PPFIA2: variants seen among roughly 807,000 people sequenced by gnomAD.
The protein encoded by PPFIA2 is liprin-alpha-2.
In PPFIA2, 46 loss-of-function variants were observed where a neutral mutation model predicts 175.5. The ratio of observed to expected loss-of-function variants is 0.26; its 90% CI spans 0.21 to 0.34. The LOEUF (loss-of-function observed/expected upper bound fraction) is 0.34, where lower values mean the gene tolerates loss of function less well. Among genes scored for constraint, PPFIA2 ranks in the 10% least tolerant of loss-of-function variants. The pLI is 1.00. For missense variants in PPFIA2, 1,179 were observed against 1,506.1 expected, an observed-to-expected ratio of 0.78 and a Z score of 3.60; for synonymous variants, 568 against 511.4, an observed-to-expected ratio of 1.11 and a Z score of -1.49.
Position 81,409,401 on chromosome 12 carries a change from T to G in PPFIA2, c.646-3498A>C, listed in dbSNP as rs566092067. 3.3e-5 allele frequency among the ~76,000 whole-genome samples: 5 copies of G among 152,298 alleles called. No individual in the cohort carries two copies. In the East Asian group the frequency reaches 9.7e-4, roughly 29 times the overall value. On this transcript the variant is annotated intron_variant, in intron 7 of 32. Coordinates refer to ENST00000549396, the MANE Select transcript of PPFIA2 (RefSeq NM_003625.5). The stretch of plus-strand genomic sequence containing the variant: ...GGACCTTTAACAGGTTTTTACGGCA[T>G]GAGGGCTTTGCTCTCATAAATGGAT...
At chr12:81,463,526 G>T (rs748676494) in intron 4 of PPFIA2, among the ~76,000 whole-genome samples, 14 of 152,044 alleles carry the variant, frequency 9.2e-5, no homozygotes, top group Non-Finnish European at 1.8e-4. Context: ...GAATTTTAAA[G>T]AACAGTCAAG....
chr12:81,469,275 T>G (rs184679884), intron 4 of PPFIA2, among the ~76,000 whole-genome samples: 1 of 152,332 alleles, frequency 6.6e-6, no homozygotes, highest in Admixed American at 6.5e-5. Flanking sequence ...ATTTCTCTAT[T>G]TACTCGACAA....
chr12:81,635,531 G>A (rs901550709), intron 4 of PPFIA2, among the ~76,000 whole-genome samples: 2 of 152,108 alleles, frequency 1.3e-5, no homozygotes, highest in African/African-American at 4.8e-5. Context: ...CCTCACACCT[G>A]GGGTCTACAG....
chr12:81,502,730 T>C (rs186126763), intron 4 of PPFIA2, among the ~76,000 whole-genome samples: 54 of 152,276 alleles, frequency 3.5e-4, no homozygotes, highest in Admixed American at 3.0e-3. Context: ...GAGCAGAAAG[T>C]ACTACTCAAA....
rs117748297 is a variant in PPFIA2 at position 81,263,011 on chromosome 12, T to C, written c.3715+220A>G. Among the ~76,000 whole-genome samples, 342 of 152,314 alleles carry C rather than the reference T, an allele frequency of 2.2e-3. 1 individual carries two copies. The highest frequency in any genetic ancestry group is 3.4e-3 in the Non-Finnish European group (229 of 68,020). ...GGTGGACATTAACCAAATTGTTCTT[T>C]TTGGGATGTTATAAATTATTTTGAA... On this transcript the variant is annotated intron_variant, in intron 31 of 32. Transcript: ENST00000549396.
rs991970343 is a variant in PPFIA2, at chr12:81,257,999, C to T, written c.*1695G>A. 4 of 152,042 alleles carry T rather than the reference C, an allele frequency of 2.6e-5. No individual in the cohort carries two copies. The highest frequency in any genetic ancestry group is 1.9e-4 in the East Asian group (1 of 5,190). 9.4% of individuals were successfully genotyped at this position (152,042 alleles called of 1,614,324 possible). ...AAATCTAGTTATGGCATTATAATGT[C>T]GTAGTTCCTATATTCTATTTCATTT... is the stretch of plus-strand genomic sequence containing the variant. On this transcript the variant is annotated 3_prime_UTR_variant, in exon 33 of 33. Transcript: ENST00000549396.
Position 81,707,110 on chromosome 12 carries a change from G to A in PPFIA2, c.250-30266C>T, listed in dbSNP as rs1291769452. Among the ~76,000 whole-genome samples, 3 of 152,122 alleles carry A rather than the reference G, an allele frequency of 2.0e-5. No individual in the cohort carries two copies. In the East Asian group the frequency reaches 5.8e-4, roughly 29 times the overall value. Reference sequence around the variant, plus strand: ...CATTACCATTCAGGACATAGGCACGGGAAAGGACTTCATGTCTAAAACACC... The same window carrying A: ...CATTACCATTCAGGACATAGGCACGAGAAAGGACTTCATGTCTAAAACACC... On this transcript the variant is annotated intron_variant, in intron 3 of 32. Transcript: ENST00000549396.
intron 23 of PPFIA2, among the ~76,000 whole-genome samples, chr12:81,295,678 T>A (rs1209670649): frequency 1.3e-5 from 2 of 152,110 alleles, no homozygotes; most frequent in Non-Finnish European, 2.9e-5. Flanking sequence ...AGCAACAAAA[T>A]TAATAATGCA....
At chr12:81,367,313 C>T (rs1269839456) in intron 13 of PPFIA2, 143 bp from the exon 14 acceptor site, 2 of 553,992 alleles carry the variant, frequency 3.6e-6, no homozygotes, top group East Asian at 4.3e-5. Flanking sequence ...GGAAACCATG[C>T]TTTGATGAAA....
At chr12:81,312,960 G>C (rs1388405913) in intron 22 of PPFIA2, among the ~76,000 whole-genome samples, 1 of 152,092 alleles carries the variant, frequency 6.6e-6, no homozygotes, top group Non-Finnish European at 1.5e-5. Flanking sequence ...CATCAAGTTT[G>C]TGTCTATTGT....
At chr12:81,626,913 A>G (rs987714329) in intron 4 of PPFIA2, among the ~76,000 whole-genome samples, 1 of 152,010 alleles carries the variant, frequency 6.6e-6, no homozygotes, top group Non-Finnish European at 1.5e-5. Context: ...GAAATACACA[A>G]ATTAGTAATT....
At chr12:81,519,788 T>G (rs2062890702) in intron 4 of PPFIA2, among the ~76,000 whole-genome samples, 1 of 152,230 alleles carries the variant, frequency 6.6e-6, no homozygotes, top group Admixed American at 6.5e-5. Flanking sequence ...CTTTTCAGTT[T>G]ATATACAGTC....
chr12:81,359,244 G>T (rs996872714), intron 15 of PPFIA2, among the ~76,000 whole-genome samples: 3 of 151,898 alleles, frequency 2.0e-5, no homozygotes. Context: ...CAAATATCTG[G>T]TAACATTAAA....
At chr12:81,683,877 A>T (rs551015098) in intron 3 of PPFIA2, among the ~76,000 whole-genome samples, 49 of 152,148 alleles carry the variant, frequency 3.2e-4, no homozygotes, top group Non-Finnish European at 6.8e-4. Context: ...GGCTGCCCCC[A>T]CCTATGGCAG....
chr12:81,516,216 C>T (rs2062419563), intron 4 of PPFIA2, among the ~76,000 whole-genome samples: 1 of 151,936 alleles, frequency 6.6e-6, no homozygotes, highest in South Asian at 2.1e-4. Flanking sequence ...TTGTAACTAC[C>T]AGGAGATAGA....
intron 4 of PPFIA2, among the ~76,000 whole-genome samples, chr12:81,670,873 G>A (rs1418792784): frequency 2.0e-5 from 3 of 151,796 alleles, no homozygotes; most frequent in South Asian, 2.1e-4. Flanking sequence ...ACCCATCTCT[G>A]TTTTGTCTTT....
At chr12:81,572,659 G>A (rs1225261392) in intron 4 of PPFIA2, among the ~76,000 whole-genome samples, 1 of 151,994 alleles carries the variant, frequency 6.6e-6, no homozygotes, top group African/African-American at 2.4e-5. Context: ...GCAACCTGGA[G>A]TTATGCCCAA....
intron 4 of PPFIA2, among the ~76,000 whole-genome samples, chr12:81,618,692 C>A (rs10862330): frequency 0.53 from 80,738 of 151,128 alleles, 22,420 homozygotes; most frequent in Middle Eastern, 0.61. Context: ...CCACGCCCAG[C>A]TAATTTTTTT....
intron 4 of PPFIA2, among the ~76,000 whole-genome samples, chr12:81,494,279 C>T (rs960737758): frequency 1.3e-5 from 2 of 151,890 alleles, no homozygotes; most frequent in Admixed American, 6.6e-5. Context: ...AAAAAGTGGG[C>T]AAAGGACATG....
Sources: allele counts gnomAD v4.1 joint callset (sites outside exome capture counted in the v4.1 genomes callset), GRCh38; gene constraint gnomAD v4.1.1; transcripts MANE v1.5; gene names NCBI Gene and HGNC (gene_info 2026-07-23, HGNC 2026-07-21).